Variants in CARD14 observed in about 807,000 individuals in gnomAD.
CARD14 encodes the protein caspase recruitment domain family member 14, also known as caspase recruitment domain-containing protein 14.
CARD14 carries 107 observed loss-of-function variants against 111.5 expected under a neutral mutation model. The observed-to-expected ratio is 0.96, with a 90% CI of 0.82 to 1.13. The LOEUF (loss-of-function observed/expected upper bound fraction) is 1.13. CARD14 is among the 50% of genes most tolerant of loss of function. The pLI, the probability that CARD14 is intolerant of heterozygous loss-of-function variation, is 0.00. For missense variants in CARD14, 1,322 were observed against 1,362.3 expected (o/e 0.97, Z 0.47); for synonymous variants, 617 against 579.6 (o/e 1.06, Z -0.93).
At chr17:80,175,637 G>T (rs1055991907) in intron 2 of CARD14, among the ~76,000 whole-genome samples, 2 of 152,178 alleles carry the variant, frequency 1.3e-5, no homozygotes, top group African/African-American at 4.8e-5. Flanking sequence ...GCAGGGAAAC[G>T]CCCAGAGCAC....
Position 80,195,584 on chromosome 17 carries a change from ACCCGGGAGCCCT to A in CARD14, c.1527_1538del (p.Asp509_Leu513delinsGlu). 1 of 1,612,272 alleles carries A rather than the reference ACCCGGGAGCCCT, an allele frequency of 6.2e-7. No individual in the cohort carries two copies. The highest frequency in any genetic ancestry group is 8.5e-7 in the Non-Finnish European group (1 of 1,179,686). On this transcript the variant is annotated inframe_deletion, in exon 14 of 24. Coordinates refer to ENST00000648509, the MANE Select transcript of CARD14 (RefSeq NM_001366385.1). This position sits in a 1 kb window ranked among gnomAD's most constrained non-coding sequence, Gnocchi z 4.7. ...AGCTGCCTGGAGATCCCGGAGGGAG[ACCCGGGAGCCCT>A]GCCGGGAGCTAAGGCAGGCGACCCA...
rs201650186 is a variant in CARD14 at position 80,208,171 on chromosome 17, G to A, written c.2841G>A (p.Glu947=). ...KGLQRLGTSE[E]QLLEAARQEE... ...TACAGCGGTTGGGCACCTCAGAGGAGCAGCTCCTGGAGGCTGCGAGGCAGG... is the reference window on the plus strand; with the variant it reads ...TACAGCGGTTGGGCACCTCAGAGGAACAGCTCCTGGAGGCTGCGAGGCAGG... Residue 947 remains glutamate (E), a synonymous_variant, in exon 24 of 24, where the codon GAG becomes GAA. Transcript: ENST00000648509. The A allele has an allele frequency of 3.9e-6, 6 of 1,548,466 alleles. No homozygotes were observed. In the Admixed American group the frequency reaches 5.9e-5, roughly 15 times the overall value.
chr17:80,192,938 G>A (rs2040574596), intron 12 of CARD14, among the ~76,000 whole-genome samples: 1 of 152,118 alleles, frequency 6.6e-6, no homozygotes, highest in South Asian at 2.1e-4. Flanking sequence ...TTTTAGTAGA[G>A]AGGGTTTCAA....
At chr17:80,191,195 T>C in intron 10 of CARD14, 128 bp from the exon 11 acceptor site, 1 of 1,175,830 alleles carries the variant, frequency 8.5e-7, no homozygotes. Context: ...ATCTTAAGTT[T>C]GCACAGCTCA....
intron 17 of CARD14, 94 bp from the exon 18 acceptor site, chr17:80,202,086 G>T (rs2041007485): frequency 1.2e-5 from 15 of 1,276,294 alleles, no homozygotes; most frequent in Non-Finnish European, 1.6e-5. Context: ...AGACTGGGAG[G>T]GTCCTTCCTT....
At position 80,203,989 on chromosome 17, in the gene CARD14, T is replaced by A. The variant is rs2041133771; in HGVS notation, c.2283+104T>A. On this transcript the variant is annotated intron_variant, in intron 19 of 23. Coordinates refer to ENST00000648509, the MANE Select transcript of CARD14 (RefSeq NM_001366385.1). This position sits in a 1 kb window ranked among gnomAD's most constrained non-coding sequence, Gnocchi z 4.6. ...CACTGTGTGGAGAGTGGGCTGCTGATTGGAGGGTAACCCCACCTGTCTCTC... is the reference window on the plus strand; with the variant it reads ...CACTGTGTGGAGAGTGGGCTGCTGAATGGAGGGTAACCCCACCTGTCTCTC... 4 of 995,916 alleles carry A rather than the reference T, an allele frequency of 4.0e-6. No individual in the cohort carries two copies. Among genetic ancestry groups the A allele is most frequent in the Non-Finnish European group, 6.0e-6 (4 of 668,164 alleles). 61.7% of individuals were successfully genotyped at this position (995,916 alleles called of 1,614,324 possible). A position where few individuals can be genotyped will look rare whatever the true frequency, so the allele number is the denominator to read the frequency against.
In CARD14 at chr17:80,195,907, G is replaced by T; in HGVS notation, c.1594+255G>T. On this transcript the variant is annotated intron_variant, in intron 14 of 23. Transcript: ENST00000648509. The surrounding 1 kb of genome is among the most constrained non-coding windows in gnomAD (Gnocchi z 4.7). ...TTTTCCCTAGAGCCAGGGGAGTTGT[G>T]TCTGATCCACGCCCTGCTCAGCACC... 4.0e-6 allele frequency: 2 copies of T among 499,670 alleles called. No individual in the cohort carries two copies. The highest frequency in any genetic ancestry group is 3.6e-5 in the Admixed American group (1 of 27,610). The allele number at this position is 499,670 out of a possible 1,614,324, so 31.0% of individuals were successfully genotyped here. A position where few individuals can be genotyped will look rare whatever the true frequency, so the allele number is the denominator to read the frequency against.
intron 1 of CARD14, among the ~76,000 whole-genome samples, chr17:80,171,272 CTCTT>C (rs920207796): frequency 2.1e-5 from 3 of 146,112 alleles, no homozygotes; most frequent in African/African-American, 7.6e-5. Flanking sequence ...TCCTTCCTCT[CTCTT>C]TCTTTTCTTC....
chr17:80,206,187 T>C (rs1274306425), intron 22 of CARD14, among the ~76,000 whole-genome samples: 1 of 152,232 alleles, frequency 6.6e-6, no homozygotes, highest in Non-Finnish European at 1.5e-5. Flanking sequence ...CAAACTCAGC[T>C]GGGCCTGGGG....
intron 7 of CARD14, among the ~76,000 whole-genome samples, chr17:80,187,545 C>T (rs2040384135): frequency 6.6e-6 from 1 of 152,222 alleles, no homozygotes; most frequent in South Asian, 2.1e-4. Context: ...CGGTGACATG[C>T]CCAGCCCAGC....
chr17:80,181,331 G>C, intron 4 of CARD14, 88 bp from the exon 5 acceptor site: 2 of 982,196 alleles, frequency 2.0e-6, no homozygotes, highest in Non-Finnish European at 3.0e-6. Context: ...CTAATTTTAC[G>C]ATGGAGTTGA....
At position 80,201,988 on chromosome 17, in the gene CARD14, C is replaced by A; in HGVS notation, c.1978+118C>A. 2.9e-6 allele frequency: 4 copies of A among 1,393,990 alleles called. No homozygotes were observed. Among genetic ancestry groups the A allele is most frequent in the South Asian group, 1.4e-5 (1 of 72,134 alleles). The allele number at this position is 1,393,990 out of a possible 1,614,324, so 86.4% of individuals were successfully genotyped here. A position where few individuals can be genotyped will look rare whatever the true frequency, so the allele number is the denominator to read the frequency against. ...GGGACCCCCAGAGCCAAGAGAGGAT[C>A]AGCCAGGCTGTGCCCCAGGTCCCCA... On this transcript the variant is annotated intron_variant, in intron 17 of 23. Transcript: ENST00000648509. The surrounding 1 kb of genome is among the most constrained non-coding windows in gnomAD (Gnocchi z 5.0).
At position 80,178,498 on chromosome 17, in the gene CARD14, T is replaced by G. The variant is rs1303456330; in HGVS notation, c.-366-10T>G. 6.6e-6 allele frequency: 1 copy of G among 152,258 alleles called. No individual in the cohort carries two copies. The highest frequency in any genetic ancestry group is 1.5e-5 in the Non-Finnish European group (1 of 68,098). 9.4% of individuals were successfully genotyped at this position (152,258 alleles called of 1,614,324 possible). A position where few individuals can be genotyped will look rare whatever the true frequency, so the allele number is the denominator to read the frequency against. ...CACGGTCAATTCACCTGGTGCTGCT[T>G]TGACTTCAGGCTCTTCCTTCTGCCC... On this transcript the variant is annotated splice_polypyrimidine_tract_variant and intron_variant, in intron 2 of 23. Coordinates refer to ENST00000648509, the MANE Select transcript of CARD14 (RefSeq NM_001366385.1).
In CARD14 at chr17:80,183,828, CCACCTGCT is replaced by C. The variant is rs561608064; in HGVS notation, c.350-71_350-64del. The C allele has an allele frequency of 1.3e-4, 151 of 1,140,400 alleles. No homozygotes were observed. In the African/African-American group the frequency reaches 2.0e-3, roughly 15 times the overall value. The allele number at this position is 1,140,400 out of a possible 1,614,324, so 70.6% of individuals were successfully genotyped here. A position where few individuals can be genotyped will look rare whatever the true frequency, so the allele number is the denominator to read the frequency against. ...CTCACCTGCCCACATGCTCACCTGC[CCACCTGCT>C]CACCTGCTCACCTACCCACCTGCCC... On this transcript the variant is annotated intron_variant, in intron 6 of 23. Coordinates refer to ENST00000648509, the MANE Select transcript of CARD14 (RefSeq NM_001366385.1).
intron 16 of CARD14, among the ~76,000 whole-genome samples, chr17:80,199,145 T>C (rs573138308): frequency 6.6e-6 from 1 of 152,210 alleles, no homozygotes; most frequent in South Asian, 2.1e-4. Context: ...TCTAAAACTT[T>C]TTTTTGTTGT....
chr17:80,204,835 T>C, intron 20 of CARD14, 200 bp from the exon 21 acceptor site: 2 of 548,888 alleles, frequency 3.6e-6, no homozygotes, highest in Non-Finnish European at 6.4e-6. Context: ...CAGAGCTGTG[T>C]AACCCCCGTG....
intron 9 of CARD14, among the ~76,000 whole-genome samples, chr17:80,190,559 G>T (rs915869183): frequency 6.6e-6 from 1 of 151,340 alleles, no homozygotes; most frequent in African/African-American, 2.4e-5. Flanking sequence ...GTTGCAGCGA[G>T]CCGAGATTGC....
intron 6 of CARD14, 52 bp from the exon 7 acceptor site, chr17:80,183,861 C>T: frequency 7.1e-7 from 1 of 1,416,316 alleles, no homozygotes; most frequent in Admixed American, 2.9e-5. Flanking sequence ...CCCACCTGCC[C>T]ACCTATTACC....
chr17:80,190,864 G>A lies in CARD14; in HGVS notation c.1054G>A (p.Ala352Thr). Residue 352 changes from alanine (A) to threonine (T), a missense_variant, in exon 10 of 24, where the codon GCC (alanine) becomes ACC (threonine). Transcript: ENST00000648509. ...LYREKVNALQ[A>T]QVCELQKERD... ...CAGGGAGAAGGTGAATGCGCTGCAG[G>A]CCCAGGTGTGCGAGCTGCAGAAGGA... is the stretch of plus-strand genomic sequence containing the variant. 1 of 1,614,020 alleles carries A rather than the reference G, an allele frequency of 6.2e-7. No homozygotes were observed.
Sources: gnomAD v4.1 joint callset for allele counts (sites outside exome capture counted in the v4.1 genomes callset) on GRCh38, gnomAD v4.1.1 for gene constraint, Gnocchi (gnomAD v3.1) non-coding constraint, MANE v1.5 for transcripts, NCBI Gene and HGNC (gene_info 2026-07-23, HGNC 2026-07-21) for gene names.